BCL9: variants seen among roughly 807,000 people sequenced by gnomAD.
BCL9 encodes BCL9 transcription coactivator, also known as B-cell CLL/lymphoma 9 protein.
Under a neutral mutation model 88.5 loss-of-function variants are expected in BCL9, and 25 were observed. The observed-to-expected ratio is 0.28, with a 90% CI of 0.21 to 0.39. BCL9 has a LOEUF of 0.39. BCL9 is among the 10% of genes least tolerant of loss of function. BCL9 has a pLI of 1.00. For synonymous variants in BCL9, 711 were observed against 673.3 expected (o/e 1.06, Z -0.87); for missense variants, 1,817 against 1,877.8 (o/e 0.97, Z 0.60).
intron 7 of BCL9, among the ~76,000 whole-genome samples, chr1:147,617,349 C>T (rs1035641758): frequency 3.9e-5 from 6 of 152,162 alleles, no homozygotes; most frequent in African/African-American, 9.7e-5. Context: ...TGTTTTCTGA[C>T]GTCATGGTTT....
rs1658791604 is a variant in BCL9 at position 147,623,942 on chromosome 1, C to T, written c.3264C>T (p.His1088=). Residue 1088 remains histidine, a synonymous_variant, in exon 10 of 10, where the codon CAC becomes CAT. Coordinates refer to ENST00000234739, the MANE Select transcript of BCL9 (RefSeq NM_004326.4). Reference sequence around the variant, plus strand: ...TGGGAATGACCCAGCCACTTTCTCACTCCAATCAGATGCCCTCTCCAAATG... The same window carrying T: ...TGGGAATGACCCAGCCACTTTCTCATTCCAATCAGATGCCCTCTCCAAATG... ...SPMGMTQPLS[H]SNQMPSPNAV... The T allele has an allele frequency of 6.2e-7, 1 of 1,614,244 alleles. No homozygotes were observed. Among genetic ancestry groups the T allele is most frequent in the Non-Finnish European group, 8.5e-7 (1 of 1,180,050 alleles).
chr1:147,624,365 C>T lies in BCL9; in HGVS notation c.3687C>T (p.Thr1229=), dbSNP rs201462277. ...DLQEVIRPGA[T]GIPEFDLSRI... is the part of the protein sequence containing the mutation. ...AGGAGGTCATCCGACCTGGAGCCAC[C>T]GGAATACCTGAGTTTGATCTATCCC... Residue 1229 remains threonine, a synonymous_variant, in exon 10 of 10, where the codon ACC becomes ACT. Coordinates refer to ENST00000234739, the MANE Select transcript of BCL9 (RefSeq NM_004326.4). This position sits in a 1 kb window ranked among gnomAD's most constrained non-coding sequence, Gnocchi z 4.4. 2.2e-5 allele frequency: 36 copies of T among 1,614,220 alleles called. No homozygotes were observed. The East Asian group carries it at 5.1e-4, about 23-fold the overall frequency.
intron 1 of BCL9, among the ~76,000 whole-genome samples, chr1:147,602,749 T>A (rs1657465460): frequency 6.6e-6 from 1 of 152,214 alleles, no homozygotes; most frequent in Admixed American, 6.5e-5. Flanking sequence ...CAAGTGTATG[T>A]CACTTGCTTC....
chr1:147,611,711 C>A lies in BCL9; in HGVS notation c.-126C>A. On this transcript the variant is annotated 5_prime_UTR_variant, in exon 4 of 10. Coordinates refer to ENST00000234739, the MANE Select transcript of BCL9 (RefSeq NM_004326.4). Reference sequence around the variant, plus strand: ...AGGAAAAAGGCATACAGGCAGCGAGCGCTAAGGGACGCACCCAGCAAGCAG... The same window carrying A: ...AGGAAAAAGGCATACAGGCAGCGAGAGCTAAGGGACGCACCCAGCAAGCAG... The A allele has an allele frequency of 1.2e-6, 1 of 850,832 alleles. No homozygotes were observed. The highest frequency in any genetic ancestry group is 2.0e-6 in the Non-Finnish European group (1 of 511,230). The allele number at this position is 850,832 out of a possible 1,614,324, so 52.7% of individuals were successfully genotyped here.
At chr1:147,568,823 C>A (rs1194909102) in intron 1 of BCL9, among the ~76,000 whole-genome samples, 2 of 152,130 alleles carry the variant, frequency 1.3e-5, no homozygotes, top group Non-Finnish European at 2.9e-5. Context: ...TATTTCGGTT[C>A]TTAGTTTTTT....
At chr1:147,597,477 A>G (rs1203508080) in intron 1 of BCL9, among the ~76,000 whole-genome samples, 1 of 152,170 alleles carries the variant, frequency 6.6e-6, no homozygotes, top group Non-Finnish European at 1.5e-5. Context: ...ATGATTTCTT[A>G]TCTTAAAATT....
chr1:147,575,941 G>C (rs782693855), intron 1 of BCL9, among the ~76,000 whole-genome samples: 2 of 151,982 alleles, frequency 1.3e-5, no homozygotes, highest in African/African-American at 2.4e-5. Flanking sequence ...CCCAGCTGTG[G>C]TTTTGGCACA....
In BCL9 at chr1:147,572,056, G is replaced by A. The variant is rs587734572; in HGVS notation, c.-478+30382G>A. Among the ~76,000 whole-genome samples the A allele has an allele frequency of 4.1e-5, 6 of 145,678 alleles. No individual in the cohort carries two copies. The East Asian group carries it at 8.4e-4, about 20-fold the overall frequency. On this transcript the variant is annotated intron_variant, in intron 1 of 9. Coordinates refer to ENST00000234739, the MANE Select transcript of BCL9 (RefSeq NM_004326.4). ...AGATCGAGACCATCCTGGCTAACAC[G>A]GTGAAACCCCGTCTGTACTAAAAAT...
intron 1 of BCL9, among the ~76,000 whole-genome samples, chr1:147,563,998 G>A (rs1351610532): frequency 6.6e-6 from 1 of 152,158 alleles, no homozygotes; most frequent in Non-Finnish European, 1.5e-5. Context: ...TCCAAAGCTG[G>A]CTTGTTAACT....
intron 1 of BCL9, among the ~76,000 whole-genome samples, chr1:147,547,000 G>A (rs951634725): frequency 4.5e-3 from 3 of 662 alleles, no homozygotes; most frequent in South Asian, 0.077. Flanking sequence ...CATAAAAATC[G>A]TGTTTTTTTT....
Position 147,625,151 on chromosome 1 carries a change from C to T in BCL9, c.*192C>T, listed in dbSNP as rs1382341205. ...GAAAACAAATTATTCATTTAATCAA[C>T]AGGTGTGTTTTTTTTAAGATTTATT... On this transcript the variant is annotated 3_prime_UTR_variant, in exon 10 of 10. Coordinates refer to ENST00000234739, the MANE Select transcript of BCL9 (RefSeq NM_004326.4). 1.6e-6 allele frequency: 1 copy of T among 635,046 alleles called. No individual in the cohort carries two copies. The highest frequency in any genetic ancestry group is 2.9e-5 in the East Asian group (1 of 34,078). The allele number at this position is 635,046 out of a possible 1,614,324, so 39.3% of individuals were successfully genotyped here.
At chr1:147,542,439 G>T (rs2101446352) in intron 1 of BCL9, among the ~76,000 whole-genome samples, 1 of 152,342 alleles carries the variant, frequency 6.6e-6, no homozygotes, top group East Asian at 1.9e-4. Flanking sequence ...GCCTCCCTGG[G>T]ATTGAGCGAA....
rs782115648 is a variant in BCL9 at position 147,625,724 on chromosome 1, G to A, written c.*765G>A. On this transcript the variant is annotated 3_prime_UTR_variant, in exon 10 of 10. Coordinates refer to ENST00000234739, the MANE Select transcript of BCL9 (RefSeq NM_004326.4). Reference sequence around the variant, plus strand: ...CATTTTTCTCTTGTTTTCTCTCTCCGATTTTGCTCTGTCTCCTCAGTTAAG... The same window carrying A: ...CATTTTTCTCTTGTTTTCTCTCTCCAATTTTGCTCTGTCTCCTCAGTTAAG... The A allele has an allele frequency of 4.3e-6, 1 of 233,198 alleles. No homozygotes were observed. Among genetic ancestry groups the A allele is most frequent in the Non-Finnish European group, 8.5e-6 (1 of 117,886 alleles). The allele number at this position is 233,198 out of a possible 1,614,324, so 14.4% of individuals were successfully genotyped here.
At chr1:147,611,406 C>CCTCCA (rs1657994566) in intron 3 of BCL9, among the ~76,000 whole-genome samples, 172 bp from the exon 4 acceptor site, 1 of 152,152 alleles carries the variant, frequency 6.6e-6, no homozygotes, top group Admixed American at 6.5e-5. Flanking sequence ...GCTGGTGTGG[C>CCTCCA]CCCTGAGCCT....
rs141170415 is a variant in BCL9, at chr1:147,575,067, GTTTA to G, written c.-477-29707_-477-29704del. 5.6e-3 allele frequency among the ~76,000 whole-genome samples: 850 copies of G among 152,272 alleles called. 12 individuals are homozygous for G. Among genetic ancestry groups the G allele is most frequent in the African/African-American group, 0.019 (810 of 41,546 alleles). ...AAAAAGACGAATAATAATAGCTACT[GTTTA>G]TTGAGCATTTACTATGTGCTGGATG... On this transcript the variant is annotated intron_variant, in intron 1 of 9. Coordinates refer to ENST00000234739, the MANE Select transcript of BCL9 (RefSeq NM_004326.4).
intron 1 of BCL9, among the ~76,000 whole-genome samples, chr1:147,554,981 A>C (rs1655041861): frequency 6.6e-6 from 1 of 152,132 alleles, no homozygotes; most frequent in Non-Finnish European, 1.5e-5. Context: ...AGAAGTATAA[A>C]ACATTTTCTT....
In BCL9 at chr1:147,619,982, G is replaced by C; in HGVS notation, c.1827G>C (p.Gln609His). 1 of 1,614,068 alleles carries C rather than the reference G, an allele frequency of 6.2e-7. No individual in the cohort carries two copies. The highest frequency in any genetic ancestry group is 8.5e-7 in the Non-Finnish European group (1 of 1,179,898). ...ATGGTCGAAATTTTCCTCCTGGCCAGGGCATTTTCAGCGGTCCTGGCCGAG... is the reference window on the plus strand; with the variant it reads ...ATGGTCGAAATTTTCCTCCTGGCCACGGCATTTTCAGCGGTCCTGGCCGAG... ...IPDGRNFPPG[Q>H]GIFSGPGRGE... Residue 609 changes from glutamine to histidine, a missense_variant, in exon 8 of 10, where the codon CAG becomes CAC. Gln to His is a conservative substitution (Grantham distance 24, BLOSUM62 0). Transcript: ENST00000234739. The surrounding 1 kb of genome is among the most constrained non-coding windows in gnomAD (Gnocchi z 4.1).
intron 1 of BCL9, among the ~76,000 whole-genome samples, chr1:147,568,520 C>T (rs917704809): frequency 6.7e-6 from 1 of 149,332 alleles, no homozygotes; most frequent in Non-Finnish European, 1.5e-5. Flanking sequence ...TCACTTGGAT[C>T]CAAACAGAAC....
intron 1 of BCL9, among the ~76,000 whole-genome samples, chr1:147,594,837 G>A (rs1295601412): frequency 6.6e-6 from 1 of 152,198 alleles, no homozygotes; most frequent in Non-Finnish European, 1.5e-5. Context: ...AATTACAGAG[G>A]AGGAAACACA....
Sources: allele counts gnomAD v4.1 joint callset (sites outside exome capture counted in the v4.1 genomes callset), GRCh38; gene constraint gnomAD v4.1.1; non-coding constraint Gnocchi (gnomAD v3.1); transcripts MANE v1.5; gene names NCBI Gene and HGNC (gene_info 2026-07-23, HGNC 2026-07-21).